PTH2R: variants seen among roughly 807,000 people sequenced by gnomAD.
PTH2R encodes the protein parathyroid hormone 2 receptor.
In PTH2R, 59 loss-of-function variants were observed where a neutral mutation model predicts 60.3. That is an observed-to-expected ratio of 0.98 (90% CI 0.79 to 1.22). The LOEUF (loss-of-function observed/expected upper bound fraction) is 1.22, where lower values mean the gene tolerates loss of function less well. Among genes scored for constraint, PTH2R ranks in the 50% most tolerant of loss-of-function variants. The pLI, the probability that PTH2R is intolerant of heterozygous loss-of-function variation, is 0.00. For missense variants in PTH2R, 749 were observed against 682.6 expected (o/e 1.10, Z -1.08); for synonymous variants, 256 against 243.8 (o/e 1.05, Z -0.47).
At chr2:208,404,602 T>TA (rs1276928472), upstream of PTH2R, among the ~76,000 whole-genome samples, 1 of 152,208 alleles carries the variant, frequency 6.6e-6, no homozygotes, top group African/African-American at 2.4e-5. Context: ...ATTTAATTGT[T>TA]ACACGGGCCT....
At chr2:208,404,570 T>G (rs753519525), upstream of PTH2R, among the ~76,000 whole-genome samples, 4 of 152,212 alleles carry the variant, frequency 2.6e-5, no homozygotes, top group Non-Finnish European at 5.9e-5. Flanking sequence ...GATAAAAGTT[T>G]CCTCGACATT....
chr2:208,440,455 A>G (rs1234629810), intron 4 of PTH2R, among the ~76,000 whole-genome samples: 1 of 152,204 alleles, frequency 6.6e-6, no homozygotes, highest in Non-Finnish European at 1.5e-5. Flanking sequence ...TTTTTAAAAG[A>G]AACAAGAGGC....
intron 1 of PTH2R, among the ~76,000 whole-genome samples, chr2:208,379,181 A>T (rs1353922804): frequency 1.3e-5 from 2 of 152,170 alleles, no homozygotes; most frequent in Non-Finnish European, 2.9e-5. Flanking sequence ...GGGACTTAAT[A>T]ATTTTATTTG....
At chr2:208,454,776 G>A (rs1168308355) in intron 8 of PTH2R, among the ~76,000 whole-genome samples, 1 of 152,028 alleles carries the variant, frequency 6.6e-6, no homozygotes, top group African/African-American at 2.4e-5. Context: ...GATTGTGTAC[G>A]CTTTGTGACA....
At chr2:208,368,037 G>A (rs1021646969) in intron 1 of PTH2R, among the ~76,000 whole-genome samples, 3 of 151,814 alleles carry the variant, frequency 2.0e-5, no homozygotes, top group African/African-American at 2.4e-5. Flanking sequence ...AAACAATTAC[G>A]TGAATTTTTA....
At chr2:208,393,590 T>A (rs114298736) in intron 1 of PTH2R, among the ~76,000 whole-genome samples, 2,817 of 152,316 alleles carry the variant, frequency 0.018, 96 homozygotes, top group African/African-American at 0.063. Flanking sequence ...CTGGGTCTGC[T>A]ATAGGAGACA....
At chr2:208,377,814 G>T (rs1478073781) in intron 1 of PTH2R, among the ~76,000 whole-genome samples, 1 of 151,674 alleles carries the variant, frequency 6.6e-6, no homozygotes, top group Non-Finnish European at 1.5e-5. Flanking sequence ...CTCAGACGAT[G>T]GGCGGCCGGG....
upstream of PTH2R, among the ~76,000 whole-genome samples, chr2:208,401,806 G>C (rs950644071): frequency 6.6e-6 from 1 of 152,070 alleles, no homozygotes; most frequent in African/African-American, 2.4e-5. Context: ...TGTCTTCAAG[G>C]CTCTGGGAGT....
intron 7 of PTH2R, 89 bp downstream of exon 7, chr2:208,444,976 T>C: frequency 1.5e-6 from 2 of 1,346,486 alleles, no homozygotes; most frequent in East Asian, 4.9e-5. Flanking sequence ...CCTACAGCCA[T>C]TTTCCTGAAA....
chr2:208,384,613 G>A (rs1700971954), intron 1 of PTH2R, among the ~76,000 whole-genome samples: 1 of 152,142 alleles, frequency 6.6e-6, no homozygotes, highest in South Asian at 2.1e-4. Context: ...GTTTTCTTTT[G>A]AGAATTTTTT....
At chr2:208,388,176 C>G (rs4675765) in intron 1 of PTH2R, among the ~76,000 whole-genome samples, 10 of 147,818 alleles carry the variant, frequency 6.8e-5, no homozygotes, top group Admixed American at 3.4e-4. Flanking sequence ...ATTAGCCGGG[C>G]GTGGTGGCGG....
intron 1 of PTH2R, among the ~76,000 whole-genome samples, chr2:208,427,933 A>G (rs1262504264): frequency 2.0e-5 from 3 of 151,220 alleles, no homozygotes; most frequent in Admixed American, 6.6e-5. Flanking sequence ...TTTGTAGTCT[A>G]TTATCTCTAA....
intron 2 of PTH2R, among the ~76,000 whole-genome samples, chr2:208,429,649 A>T (rs569665965): frequency 2.0e-5 from 3 of 152,160 alleles, no homozygotes; most frequent in Non-Finnish European, 4.4e-5. Context: ...CATTAAATTT[A>T]CCATTAAAAT....
rs184581924 is a variant in PTH2R, at chr2:208,492,268, T to C, written c.1258-996T>C. On this transcript the variant is annotated intron_variant, in intron 12 of 12. Coordinates refer to ENST00000272847, the MANE Select transcript of PTH2R (RefSeq NM_005048.4). ...GATAGCATGACAGTTACATTTCAAA[T>C]TGAGTACCTTCTACGCCATTCCTCA... 2.2e-3 allele frequency among the ~76,000 whole-genome samples: 339 copies of C among 152,320 alleles called. 2 individuals carry two copies. Among genetic ancestry groups the C allele is most frequent in the East Asian group, 0.01 (52 of 5,180 alleles).
chr2:208,416,294 A>G (rs1238467983), intron 1 of PTH2R, among the ~76,000 whole-genome samples: 1 of 152,250 alleles, frequency 6.6e-6, no homozygotes, highest in Non-Finnish European at 1.5e-5. Flanking sequence ...AATATAAAGC[A>G]TTTAAAATCA....
At position 208,493,522 on chromosome 2, in the gene PTH2R, C is replaced by CCA; in HGVS notation, c.1520_1521dup (p.Ser508ThrfsTer19). 6.2e-7 allele frequency: 1 copy of CCA among 1,613,634 alleles called. No homozygotes were observed. The highest frequency in any genetic ancestry group is 1.1e-5 in the South Asian group (1 of 91,026). On this transcript the variant is annotated frameshift_variant, in exon 13 of 13. Coordinates refer to ENST00000272847, the MANE Select transcript of PTH2R (RefSeq NM_005048.4). LOFTEE classifies it low-confidence loss of function (END_TRUNC). ...GAGTAACTCAGAGCAGGACTGCCTGCCACACTCTTTCCACGAGGAGACCAA... is the reference window on the plus strand; with the variant it reads ...GAGTAACTCAGAGCAGGACTGCCTGCCACACACTCTTTCCACGAGGAGACCAA...
intron 1 of PTH2R, among the ~76,000 whole-genome samples, chr2:208,408,169 G>A (rs540167988): frequency 1.2e-3 from 177 of 152,246 alleles, no homozygotes; most frequent in Non-Finnish European, 2.0e-3. Flanking sequence ...GTTTCATGTA[G>A]ATTTATTTTG....
At chr2:208,407,366 A>G (rs1048553977) in intron 1 of PTH2R, among the ~76,000 whole-genome samples, 2 of 152,184 alleles carry the variant, frequency 1.3e-5, no homozygotes, top group African/African-American at 2.4e-5. Context: ...GGCATCCGCA[A>G]AGTAAGGGGA....
intron 9 of PTH2R, among the ~76,000 whole-genome samples, chr2:208,473,710 T>C (rs1457264582): frequency 6.6e-6 from 1 of 152,190 alleles, no homozygotes; most frequent in East Asian, 1.9e-4. Context: ...CTAGGAAATA[T>C]TGGCTGAATG....
Sources: gnomAD v4.1 joint callset for allele counts (sites outside exome capture counted in the v4.1 genomes callset) on GRCh38, gnomAD v4.1.1 for gene constraint, MANE v1.5 for transcripts, NCBI Gene and HGNC (gene_info 2026-07-23, HGNC 2026-07-21) for gene names.